Variants in HPS3 observed in about 807,000 individuals in gnomAD.
HPS3 encodes the protein BLOC-2 complex member HPS3.
HPS3 carries 79 observed loss-of-function variants against 110.9 expected under a neutral mutation model. That is an observed-to-expected ratio of 0.71 (90% CI 0.59 to 0.86). HPS3 has a LOEUF of 0.86. Among genes scored for constraint, HPS3 ranks in the 40% least tolerant of loss-of-function variants. The pLI is 0.00. For missense variants in HPS3, 1,197 were observed against 1,206.2 expected, an observed-to-expected ratio of 0.99 and a Z score of 0.11; for synonymous variants, 428 against 451.0, an observed-to-expected ratio of 0.95 and a Z score of 0.65.
chr3:149,159,580 G>T (rs1395205129), intron 10 of HPS3, among the ~76,000 whole-genome samples: 1 of 152,066 alleles, frequency 6.6e-6, no homozygotes, highest in African/African-American at 2.4e-5. Flanking sequence ...AAAAAGAAAC[G>T]ATAACCCCTC....
At chr3:149,145,596 T>C in intron 5 of HPS3, 50 bp downstream of exon 5, 5 of 1,434,116 alleles carry the variant, frequency 3.5e-6, no homozygotes, top group Non-Finnish European at 3.9e-6. Context: ...ATTTGTAAAT[T>C]TTTGAGGTAC....
intron 15 of HPS3, 151 bp downstream of exon 15, chr3:149,167,391 C>T (rs1328256932): frequency 1.3e-5 from 9 of 694,048 alleles, no homozygotes; most frequent in South Asian, 3.1e-5. Flanking sequence ...TAATATGTTA[C>T]GTGTTTTGAG....
intron 16 of HPS3, among the ~76,000 whole-genome samples, chr3:149,169,897 A>G (rs1159977900): frequency 6.6e-6 from 1 of 152,234 alleles, no homozygotes; most frequent in African/African-American, 2.4e-5. Flanking sequence ...TTTTCTAGAC[A>G]TGCTGGAAGA....
intron 1 of HPS3, among the ~76,000 whole-genome samples, chr3:149,132,042 A>G (rs2108116118): frequency 6.6e-6 from 1 of 152,360 alleles, no homozygotes; most frequent in Middle Eastern, 3.4e-3. Context: ...TAAAGCTAGC[A>G]GAGTTCAGCT....
intron 7 of HPS3, among the ~76,000 whole-genome samples, chr3:149,154,695 T>G (rs1723330459): frequency 6.6e-6 from 1 of 152,230 alleles, no homozygotes; most frequent in Admixed American, 6.5e-5. Context: ...TTCATCATAT[T>G]CTCAGCAGCC....
rs1466434570 is a variant in HPS3, at chr3:149,160,114, T to C, written c.1941T>C (p.Cys647=). The change falls in exon 11 of 17, where the codon TGT becomes TGC. Residue 647 remains cysteine (C), a synonymous_variant. Coordinates refer to ENST00000296051, the MANE Select transcript of HPS3 (RefSeq NM_032383.5). ...CAAAGCAAGTGCCCCATATTCTCTGTAGTCCTTCTATGAAGAATATTAATC... is the reference window on the plus strand; with the variant it reads ...CAAAGCAAGTGCCCCATATTCTCTGCAGTCCTTCTATGAAGAATATTAATC... ...AEPKQVPHIL[C]SPSMKNINPL... 2.5e-6 allele frequency: 4 copies of C among 1,613,996 alleles called. No individual in the cohort carries two copies. Among genetic ancestry groups the C allele is most frequent in the African/African-American group, 2.7e-5 (2 of 75,044 alleles).
chr3:149,129,962 G>A lies in HPS3; in HGVS notation c.217+22G>A, dbSNP rs1721653477. On this transcript the variant is annotated intron_variant, in intron 1 of 16. Transcript: ENST00000296051. ...GCTGGTGAGTAATCTAGAGAGCCAG[G>A]GGCCGCCTGGGGTCCAGCTTGAGGC... The A allele has an allele frequency of 3.3e-6, 5 of 1,531,700 alleles. No homozygotes were observed. The South Asian group carries it at 4.8e-5, about 15-fold the overall frequency. The allele number at this position is 1,531,700 out of a possible 1,614,324, so 94.9% of individuals were successfully genotyped here. A position where few individuals can be genotyped will look rare whatever the true frequency, so the allele number is the denominator to read the frequency against.
chr3:149,167,100 G>C lies in HPS3; in HGVS notation c.2656G>C (p.Asp886His), dbSNP rs1724499448. The change falls in exon 15 of 17, where the codon GAC becomes CAC. Residue 886 changes from aspartate to histidine, a missense_variant. Physicochemically the swap from Asp to His is moderately conservative, Grantham distance 81 (BLOSUM62 -1). Coordinates refer to ENST00000296051, the MANE Select transcript of HPS3 (RefSeq NM_032383.5). ...TCCGTTCTTGGAGCCACTTTCAGAAGACACTATTGCCGGCCTCAGTGTCCA... is the reference window on the plus strand; with the variant it reads ...TCCGTTCTTGGAGCCACTTTCAGAACACACTATTGCCGGCCTCAGTGTCCA... Reference protein sequence around the residue: ...IIPFLEPLSEDTIAGLSVHVL... With the variant: ...IIPFLEPLSEHTIAGLSVHVL... The C allele has an allele frequency of 1.2e-6, 2 of 1,613,844 alleles. No homozygotes were observed. Among genetic ancestry groups the C allele is most frequent in the Non-Finnish European group, 1.7e-6 (2 of 1,179,850 alleles).
rs1723370395 is a variant in HPS3, at chr3:149,155,194, A to C, written c.1488A>C (p.Pro496=). 6.4e-7 allele frequency: 1 copy of C among 1,573,846 alleles called. No homozygotes were observed. Among genetic ancestry groups the C allele is most frequent in the African/African-American group, 1.4e-5 (1 of 73,962 alleles). ...WNLYIVNTIS[P]VQLYKEMVDY... Reference sequence around the variant, plus strand: ...TGTATATTGTGAATACGATCTCACCAGTGCAGCTGTACAAAGAGATGGTAC... The same window carrying C: ...TGTATATTGTGAATACGATCTCACCCGTGCAGCTGTACAAAGAGATGGTAC... The change falls in exon 8 of 17, where the codon CCA becomes CCC. Residue 496 remains proline, a synonymous_variant. Transcript: ENST00000296051.
At chr3:149,138,661 C>T (rs192083432) in intron 1 of HPS3, among the ~76,000 whole-genome samples, 90 of 152,112 alleles carry the variant, frequency 5.9e-4, no homozygotes, top group South Asian at 2.7e-3. Flanking sequence ...TATTTATAGA[C>T]GACAAAAGGT....
intron 7 of HPS3, chr3:149,154,280 A>C (rs1389811301): frequency 6.5e-6 from 1 of 152,700 alleles, no homozygotes; most frequent in African/African-American, 2.4e-5. Context: ...AAATTTAATC[A>C]AGAAAGAAAT....
At chr3:149,170,813 G>A (rs976317353) in intron 16 of HPS3, among the ~76,000 whole-genome samples, 5 of 152,168 alleles carry the variant, frequency 3.3e-5, no homozygotes, top group African/African-American at 1.2e-4. Context: ...ATCACACAGG[G>A]AATGGCACTG....
intron 8 of HPS3, 72 bp from the exon 9 acceptor site, chr3:149,157,278 A>C (rs1723514179): frequency 3.1e-6 from 4 of 1,282,440 alleles, no homozygotes; most frequent in Non-Finnish European, 3.4e-6. Context: ...AAAATATATA[A>C]ATGTTTTTAA....
rs755880020 is a variant in HPS3 at position 149,162,828 on chromosome 3, T to C, written c.2431T>C (p.Ser811Pro). The C allele has an allele frequency of 1.2e-6, 2 of 1,613,928 alleles. No individual in the cohort carries two copies. Among genetic ancestry groups the C allele is most frequent in the African/African-American group, 1.3e-5 (1 of 74,918 alleles). Residue 811 changes from serine (S) to proline (P), a missense_variant, in exon 13 of 17, where the codon TCT (serine) becomes CCT (proline). Ser to Pro is a moderately conservative substitution (Grantham distance 74). Coordinates refer to ENST00000296051, the MANE Select transcript of HPS3 (RefSeq NM_032383.5). ...KLTSQYIWRLSKRQPPDTTPL... is the reference protein window; with the variant it reads ...KLTSQYIWRLPKRQPPDTTPL... ...CACATCACAGTACATCTGGAGATTG[T>C]CTAAGAGGCAGCCTCCTGACACCAC... is the stretch of plus-strand genomic sequence containing the variant.
intron 2 of HPS3, among the ~76,000 whole-genome samples, chr3:149,140,757 T>C (rs1434000484): frequency 6.6e-6 from 1 of 152,160 alleles, no homozygotes. Flanking sequence ...TAGTTACTAG[T>C]TGAATGACCT....
At chr3:149,162,517 C>T (rs1168567087) in intron 12 of HPS3, 173 bp from the exon 13 acceptor site, 7 of 920,222 alleles carry the variant, frequency 7.6e-6, no homozygotes, top group Non-Finnish European at 1.2e-5. Flanking sequence ...ATTTGTACAT[C>T]CTAGAATCTG....
At position 149,172,123 on chromosome 3, in the gene HPS3, A is replaced by G. The variant is rs1576718570; in HGVS notation, c.2916A>G (p.Leu972=). ...KETLSIVAVE[L]ELKDFMNVLP... is the part of the protein sequence containing the mutation. ...CATTGTCAATTGTTGCTGTGGAACT[A>G]GAACTGAAGGATTTCATGAATGTTC... Residue 972 remains leucine, a synonymous_variant, in exon 17 of 17, where the codon CTA becomes CTG. Transcript: ENST00000296051. The G allele has an allele frequency of 1.2e-6, 2 of 1,613,074 alleles. No individual in the cohort carries two copies. Among genetic ancestry groups the G allele is most frequent in the Non-Finnish European group, 1.7e-6 (2 of 1,179,112 alleles).
chr3:149,168,418 G>A (rs571111349), intron 16 of HPS3: 11 of 193,394 alleles, frequency 5.7e-5, no homozygotes, highest in South Asian at 2.8e-4. Context: ...AAATTGTACC[G>A]TATTTTACAG....
At chr3:149,141,536 T>G (rs917062529) in intron 4 of HPS3, among the ~76,000 whole-genome samples, 156 bp downstream of exon 4, 111 of 148,358 alleles carry the variant, frequency 7.5e-4, no homozygotes, top group Admixed American at 1.0e-3. Context: ...TTTTTGTTTT[T>G]TTTTTTTTTT....
Sources: gnomAD v4.1 joint callset for allele counts (sites outside exome capture counted in the v4.1 genomes callset) on GRCh38, gnomAD v4.1.1 for gene constraint, MANE v1.5 for transcripts, NCBI Gene and HGNC (gene_info 2026-07-23, HGNC 2026-07-21) for gene names.